HS3ST5: variants seen among roughly 807,000 people sequenced by gnomAD.
HS3ST5 encodes heparan sulfate-glucosamine 3-sulfotransferase 5.
In HS3ST5, 10 loss-of-function variants were observed where a neutral mutation model predicts 25.4. The observed-to-expected ratio is 0.39, with a 90% CI of 0.24 to 0.67. The LOEUF (loss-of-function observed/expected upper bound fraction) is 0.67. HS3ST5 is among the 30% of genes least tolerant of loss of function. The probability of loss-of-function intolerance (pLI) is 0.44; values close to 1 mark genes in which losing one functional copy is unlikely to be tolerated. For synonymous variants in HS3ST5, 170 were observed against 162.4 expected (o/e 1.05, Z -0.36); for missense variants, 324 against 420.7 (o/e 0.77, Z 2.01).
At chr6:114,161,853 A>C (rs1254868973) in intron 3 of HS3ST5, among the ~76,000 whole-genome samples, 1 of 151,856 alleles carries the variant, frequency 6.6e-6, no homozygotes, top group East Asian at 2.0e-4. Flanking sequence ...CAATGGAATT[A>C]TTCCTAAAAT....
In HS3ST5 at chr6:114,311,539, C is replaced by CTTTTTTTTT. The variant is rs11463610; in HGVS notation, c.-339+30647_-339+30655dup. Among the ~76,000 whole-genome samples the CTTTTTTTTT allele has an allele frequency of 3.3e-4, 28 of 84,880 alleles. 1 individual carries two copies. Among genetic ancestry groups the CTTTTTTTTT allele is most frequent in the Admixed American group, 7.2e-4 (4 of 5,522 alleles). 55.7% of individuals were successfully genotyped at this position (84,880 alleles called of 152,430 possible). On this transcript the variant is annotated intron_variant, in intron 1 of 4. Coordinates refer to ENST00000312719, the MANE Select transcript of HS3ST5 (RefSeq NM_153612.4). The stretch of plus-strand genomic sequence containing the variant: ...ACATATTTTCTTTCTTTCTCTCTCT[C>CTTTTTTTTT]TTTTTTTTTTTTTTTTTTTTTTTGA...
intron 3 of HS3ST5, among the ~76,000 whole-genome samples, chr6:114,086,497 A>T (rs377452379): frequency 3.3e-5 from 5 of 152,336 alleles, no homozygotes; most frequent in African/African-American, 1.2e-4. Context: ...ACTTGGAAGC[A>T]GATTCTTCCC....
intron 1 of HS3ST5, among the ~76,000 whole-genome samples, chr6:114,250,689 C>T (rs763690152): frequency 2.6e-5 from 4 of 152,012 alleles, no homozygotes; most frequent in Non-Finnish European, 5.9e-5. Context: ...TTTGTCTTCT[C>T]TTGAATAAAA....
intron 1 of HS3ST5, among the ~76,000 whole-genome samples, chr6:114,332,103 C>T (rs1776421694): frequency 6.6e-6 from 1 of 151,968 alleles, no homozygotes. Flanking sequence ...TAAAAATGGC[C>T]TAATTCTCTA....
chr6:114,117,845 C>T (rs925120500), intron 3 of HS3ST5, among the ~76,000 whole-genome samples: 7 of 152,106 alleles, frequency 4.6e-5, no homozygotes, highest in Non-Finnish European at 1.0e-4. Flanking sequence ...ATATTCACTC[C>T]CTATCCAGAC....
At chr6:114,269,951 T>C (rs1480958803) in intron 1 of HS3ST5, among the ~76,000 whole-genome samples, 1 of 152,214 alleles carries the variant, frequency 6.6e-6, no homozygotes, top group Non-Finnish European at 1.5e-5. Context: ...TATGCCTCCA[T>C]GATCAGTCAA....
chr6:114,183,371 T>G (rs1471906204), intron 2 of HS3ST5, among the ~76,000 whole-genome samples: 1 of 152,164 alleles, frequency 6.6e-6, no homozygotes, highest in Non-Finnish European at 1.5e-5. Flanking sequence ...TCTGCTGCCA[T>G]GTGAGATGTG....
intron 2 of HS3ST5, among the ~76,000 whole-genome samples, chr6:114,170,108 A>G (rs1428040957): frequency 6.6e-6 from 1 of 152,164 alleles, no homozygotes; most frequent in Admixed American, 6.6e-5. Context: ...TTTAAGAGAG[A>G]GCCCTTTAAA....
chr6:114,197,433 T>G (rs1222234535), intron 2 of HS3ST5, among the ~76,000 whole-genome samples: 2 of 152,184 alleles, frequency 1.3e-5, no homozygotes, highest in Non-Finnish European at 2.9e-5. Flanking sequence ...TTGAATTTTA[T>G]AATCATTTGT....
rs561071852 is a variant in HS3ST5, at chr6:114,302,966, G to C, written c.-339+39229C>G. 5.9e-5 allele frequency among the ~76,000 whole-genome samples: 9 copies of C among 152,146 alleles called. No homozygotes were observed. In the South Asian group the frequency reaches 1.7e-3, roughly 28 times the overall value. ...GTGTAGTTATTCTTAATGAATTCTT[G>C]AGACTAATTTGGCTCCTGGAAACTC... On this transcript the variant is annotated intron_variant, in intron 1 of 4. Coordinates refer to ENST00000312719, the MANE Select transcript of HS3ST5 (RefSeq NM_153612.4).
intron 3 of HS3ST5, among the ~76,000 whole-genome samples, chr6:114,154,025 A>AG (rs1413748849): frequency 6.6e-6 from 1 of 152,198 alleles, no homozygotes; most frequent in Non-Finnish European, 1.5e-5. Flanking sequence ...AGAGGATCAC[A>AG]GGAAGTTTTA....
At chr6:114,075,431 C>G (rs2114745525) in intron 3 of HS3ST5, among the ~76,000 whole-genome samples, 1 of 152,294 alleles carries the variant, frequency 6.6e-6, no homozygotes, top group Middle Eastern at 3.4e-3. Context: ...CTCTTTTCTT[C>G]AAAAACCACA....
intron 1 of HS3ST5, among the ~76,000 whole-genome samples, chr6:114,285,816 TTAAAA>T (rs777004226): frequency 1.3e-5 from 2 of 151,976 alleles, no homozygotes; most frequent in Admixed American, 6.6e-5. Flanking sequence ...ATCCTGGAAC[TTAAAA>T]TAAAATAAAA....
At chr6:114,167,127 A>G (rs2114995493) in intron 3 of HS3ST5, among the ~76,000 whole-genome samples, 1 of 152,312 alleles carries the variant, frequency 6.6e-6, no homozygotes, top group East Asian at 1.9e-4. Context: ...CTGGGACTAC[A>G]GGCACATGCC....
intron 1 of HS3ST5, among the ~76,000 whole-genome samples, chr6:114,337,782 T>G (rs1776666188): frequency 1.3e-5 from 2 of 149,872 alleles, no homozygotes; most frequent in Non-Finnish European, 3.0e-5. Context: ...TAAGTAAACT[T>G]AAAAAAAAAA....
chr6:114,271,631 T>A (rs1375439994), intron 1 of HS3ST5, among the ~76,000 whole-genome samples: 1 of 152,088 alleles, frequency 6.6e-6, no homozygotes, highest in African/African-American at 2.4e-5. Context: ...TACAATTGTA[T>A]CCTATTTTTT....
intron 3 of HS3ST5, among the ~76,000 whole-genome samples, chr6:114,079,451 A>G (rs1398943902): frequency 1.3e-5 from 2 of 152,142 alleles, no homozygotes; most frequent in African/African-American, 4.8e-5. Flanking sequence ...GCAACTCCTC[A>G]TCCTTTCAAG....
At chr6:114,274,138 T>C (rs1773749817) in intron 1 of HS3ST5, among the ~76,000 whole-genome samples, 1 of 151,866 alleles carries the variant, frequency 6.6e-6, no homozygotes, top group African/African-American at 2.4e-5. Flanking sequence ...CCCAGAGTAA[T>C]GAGGAGAAGA....
intron 2 of HS3ST5, among the ~76,000 whole-genome samples, chr6:114,224,121 TTAGA>T (rs1286844099): frequency 6.6e-6 from 1 of 151,652 alleles, no homozygotes; most frequent in Non-Finnish European, 1.5e-5. Context: ...CCTAATTTCT[TTAGA>T]TAGCATTTTC....
Sources: gnomAD v4.1 joint callset for allele counts (sites outside exome capture counted in the v4.1 genomes callset) on GRCh38, gnomAD v4.1.1 for gene constraint, MANE v1.5 for transcripts, NCBI Gene and HGNC (gene_info 2026-07-23, HGNC 2026-07-21) for gene names.